Variants in ABTB2 observed in about 807,000 individuals in gnomAD.
ABTB2 encodes the protein ankyrin repeat and BTB domain containing 2, also known as ankyrin repeat and BTB/POZ domain-containing protein 2.
ABTB2 carries 56 observed loss-of-function variants against 104.1 expected under a neutral mutation model. That is an observed-to-expected ratio of 0.54 (90% CI 0.43 to 0.67). The LOEUF (loss-of-function observed/expected upper bound fraction) is 0.67. Ranked by LOEUF, ABTB2 falls within the 30% of genes least tolerant of loss-of-function variation. The pLI, the probability that ABTB2 is intolerant of heterozygous loss-of-function variation, is 0.00. For synonymous variants in ABTB2, 606 were observed against 608.2 expected, an observed-to-expected ratio of 1.00 and a Z score of 0.05; for missense variants, 1,279 against 1,407.7, an observed-to-expected ratio of 0.91 and a Z score of 1.46.
In ABTB2 at chr11:34,211,748, G is replaced by T. The variant is rs900754785; in HGVS notation, c.884-7058C>A. ...AAAAATTACTACAAAAATTAGTCAG[G>T]CATGGTGGTGCACACCTGTAATCCC... On this transcript the variant is annotated intron_variant, in intron 1 of 16. Transcript: ENST00000435224. Among the ~76,000 whole-genome samples, 6 of 151,758 alleles carry T rather than the reference G, an allele frequency of 4.0e-5. No individual in the cohort carries two copies. In the East Asian group the frequency reaches 7.9e-4, roughly 20 times the overall value.
chr11:34,204,441 C>A, intron 2 of ABTB2, 103 bp downstream of exon 2: 1 of 1,408,870 alleles, frequency 7.1e-7, no homozygotes, highest in South Asian at 1.4e-5. Flanking sequence ...AGGAGGAGGC[C>A]AGAGCACTTG....
intron 1 of ABTB2, among the ~76,000 whole-genome samples, chr11:34,278,391 A>G (rs1163895147): frequency 1.3e-5 from 2 of 152,186 alleles, no homozygotes; most frequent in Non-Finnish European, 2.9e-5. Flanking sequence ...TGCAAATTGC[A>G]TATTATAAAA....
chr11:34,284,432 T>G (rs1198981194), intron 1 of ABTB2, among the ~76,000 whole-genome samples: 1 of 152,226 alleles, frequency 6.6e-6, no homozygotes, highest in Non-Finnish European at 1.5e-5. Flanking sequence ...AACCTCTTTG[T>G]ATAACCAGAA....
chr11:34,318,027 C>T (rs888515500), intron 1 of ABTB2, among the ~76,000 whole-genome samples: 5 of 150,334 alleles, frequency 3.3e-5, no homozygotes, highest in African/African-American at 1.2e-4. Flanking sequence ...AGTACAGTGG[C>T]ACAATCTTGG....
intron 1 of ABTB2, among the ~76,000 whole-genome samples, chr11:34,218,487 G>T (rs1451113321): frequency 2.0e-5 from 3 of 152,092 alleles, no homozygotes; most frequent in Admixed American, 1.3e-4. Flanking sequence ...AGGGTGTAAG[G>T]TCTGTGTCTA....
intron 14 of ABTB2, among the ~76,000 whole-genome samples, chr11:34,157,049 C>G (rs1045311573): frequency 1.3e-5 from 2 of 152,170 alleles, no homozygotes; most frequent in African/African-American, 4.8e-5. Context: ...ACACCCCCAC[C>G]CCACCCCGCC....
intron 1 of ABTB2, among the ~76,000 whole-genome samples, chr11:34,299,973 T>C (rs1028003862): frequency 1.3e-5 from 2 of 152,118 alleles, no homozygotes; most frequent in Non-Finnish European, 2.9e-5. Context: ...GAGGACTGAA[T>C]GAGTCAAGAA....
At position 34,181,256 on chromosome 11, in the gene ABTB2, AC is replaced by A. The variant is rs1202026310; in HGVS notation, c.1245-7950del. Reference sequence around the variant, plus strand: ...GCCTGGAAAACAAACAAACAAACAAACAAACAAAAAAAACAACCCTGTTGCA... The same window carrying A: ...GCCTGGAAAACAAACAAACAAACAAAAAACAAAAAAAACAACCCTGTTGCA... On this transcript the variant is annotated intron_variant, in intron 3 of 16. Coordinates refer to ENST00000435224, the MANE Select transcript of ABTB2 (RefSeq NM_145804.3). 7.2e-3 allele frequency among the ~76,000 whole-genome samples: 931 copies of A among 128,920 alleles called. 14 individuals carry two copies. The highest frequency in any genetic ancestry group is 0.023 in the African/African-American group (852 of 37,594). The allele number at this position is 128,920 out of a possible 152,430, so 84.6% of individuals were successfully genotyped here.
At position 34,172,459 on chromosome 11, in the gene ABTB2, T is replaced by TAGATAGATAGAC. The variant is rs1554980718; in HGVS notation, c.1397+695_1397+696insGTCTATCTATCT. 9.2e-5 allele frequency among the ~76,000 whole-genome samples: 12 copies of TAGATAGATAGAC among 130,560 alleles called. 1 individual carries two copies. The highest frequency in any genetic ancestry group is 3.5e-4 in the African/African-American group (12 of 33,898). The allele number at this position is 130,560 out of a possible 152,430, so 85.7% of individuals were successfully genotyped here. On this transcript the variant is annotated intron_variant, in intron 4 of 16. Coordinates refer to ENST00000435224, the MANE Select transcript of ABTB2 (RefSeq NM_145804.3). ...GTATATAGATAGATAGATAGATAGATAGATAGATAGATAGATAGATAGATA... is the reference window on the plus strand; with the variant it reads ...GTATATAGATAGATAGATAGATAGATAGATAGATAGACAGATAGATAGATAGATAGATAGATA...
chr11:34,308,868 CAAAAAAA>C (rs57658114), intron 1 of ABTB2, among the ~76,000 whole-genome samples: 5,482 of 77,816 alleles, frequency 0.07, 203 homozygotes, highest in African/African-American at 0.14. Context: ...GAAACTGTCT[CAAAAAAA>C]AAAAAAAAAA....
intron 10 of ABTB2, among the ~76,000 whole-genome samples, chr11:34,162,357 C>T (rs1427669242): frequency 1.3e-5 from 2 of 152,190 alleles, no homozygotes; most frequent in East Asian, 1.9e-4. Context: ...GACCCCAAGA[C>T]GTGGCACTGT....
intron 3 of ABTB2, among the ~76,000 whole-genome samples, chr11:34,196,576 GT>G (rs1189006389): frequency 2.0e-5 from 3 of 152,094 alleles, no homozygotes; most frequent in Non-Finnish European, 4.4e-5. Context: ...AAGGTATCCT[GT>G]CCTCAGGCTG....
At chr11:34,268,826 G>A (rs2755166) in intron 1 of ABTB2, among the ~76,000 whole-genome samples, 20,400 of 152,086 alleles carry the variant, frequency 0.13, 4,011 homozygotes, top group African/African-American at 0.43. Flanking sequence ...CATCCTCCAC[G>A]TGTGCCTCAC....
chr11:34,164,861 G>T (rs748261944), intron 8 of ABTB2, 40 bp from the exon 9 acceptor site: 4 of 1,569,236 alleles, frequency 2.5e-6, no homozygotes, highest in Non-Finnish European at 2.6e-6. Flanking sequence ...CACTGAGACA[G>T]TAGCCGCCAG....
intron 3 of ABTB2, among the ~76,000 whole-genome samples, chr11:34,187,952 A>G (rs558932904): frequency 1.8e-4 from 28 of 152,344 alleles, no homozygotes; most frequent in African/African-American, 6.5e-4. Context: ...TTCATTGAAC[A>G]CAACGTGGTC....
At chr11:34,259,208 G>A (rs957369836) in intron 1 of ABTB2, among the ~76,000 whole-genome samples, 1 of 152,186 alleles carries the variant, frequency 6.6e-6, no homozygotes, top group African/African-American at 2.4e-5. Context: ...CTCTCTGCCT[G>A]TCCTCCACAG....
In ABTB2 at chr11:34,151,463, C is replaced by T. The variant is rs750810473; in HGVS notation, c.*924G>A. On this transcript the variant is annotated 3_prime_UTR_variant, in exon 17 of 17. Transcript: ENST00000435224. Reference sequence around the variant, plus strand: ...CAGTCCCCAGTGGGACCTGTTTGCCCAGCTCTCAATCCTACATTAAAGGAG... The same window carrying T: ...CAGTCCCCAGTGGGACCTGTTTGCCTAGCTCTCAATCCTACATTAAAGGAG... 1 of 152,262 alleles carries T rather than the reference C, an allele frequency of 6.6e-6. No individual in the cohort carries two copies. Among genetic ancestry groups the T allele is most frequent in the Non-Finnish European group, 1.5e-5 (1 of 68,064 alleles). 9.4% of individuals were successfully genotyped at this position (152,262 alleles called of 1,614,324 possible).
At chr11:34,240,946 C>T (rs1853908874) in intron 1 of ABTB2, among the ~76,000 whole-genome samples, 2 of 151,966 alleles carry the variant, frequency 1.3e-5, no homozygotes, top group Non-Finnish European at 2.9e-5. Context: ...TTCTCTTTTG[C>T]CAAATTACTT....
At chr11:34,194,776 GTT>G (rs11303390) in intron 3 of ABTB2, among the ~76,000 whole-genome samples, 2,876 of 146,002 alleles carry the variant, frequency 0.02, 72 homozygotes, top group African/African-American at 0.058. Context: ...TAAAAATTTG[GTT>G]TTTTTTTTTT....
Sources: gnomAD v4.1 joint callset for allele counts (sites outside exome capture counted in the v4.1 genomes callset) on GRCh38, gnomAD v4.1.1 for gene constraint, MANE v1.5 for transcripts, NCBI Gene and HGNC (gene_info 2026-07-23, HGNC 2026-07-21) for gene names.